Variants in NIN observed in about 807,000 individuals in gnomAD.
The protein encoded by NIN is glycogen synthase kinase 3 beta-interacting protein.
NIN carries 137 observed loss-of-function variants against 257.6 expected under a neutral mutation model. The ratio of observed to expected loss-of-function variants is 0.53; its 90% CI spans 0.46 to 0.61. NIN has a LOEUF of 0.61. NIN is among the 20% of genes least tolerant of loss of function. The probability of loss-of-function intolerance (pLI) is 0.00; values close to 1 mark genes in which losing one functional copy is unlikely to be tolerated. For synonymous variants in NIN, 918 were observed against 919.8 expected (o/e 1.00, Z 0.04); for missense variants, 2,439 against 2,501.2 (o/e 0.98, Z 0.53).
intron 5 of NIN, among the ~76,000 whole-genome samples, chr14:50,787,856 C>T (rs1263157738): frequency 1.3e-5 from 2 of 152,164 alleles, no homozygotes; most frequent in South Asian, 2.1e-4. Flanking sequence ...CCTTTCCCTA[C>T]AGAGTAGCTT....
chr14:50,798,820 C>G (rs1469810709), intron 4 of NIN, among the ~76,000 whole-genome samples: 1 of 152,222 alleles, frequency 6.6e-6, no homozygotes, highest in East Asian at 1.9e-4. Context: ...CGCTCTATTG[C>G]CAGGCTAGAG....
At chr14:50,795,058 A>T (rs971011962) in intron 4 of NIN, among the ~76,000 whole-genome samples, 11 of 152,344 alleles carry the variant, frequency 7.2e-5, no homozygotes, top group African/African-American at 2.4e-4. Context: ...ATAATAACCA[A>T]TTTAAGCAAA....
chr14:50,778,826 T>C, intron 5 of NIN, 22 bp from the exon 6 acceptor site: 2 of 1,613,288 alleles, frequency 1.2e-6, no homozygotes, highest in Non-Finnish European at 1.7e-6. Context: ...AAGAGAAGAT[T>C]AGTGTGCTTT....
chr14:50,739,091 A>T (rs527493600), intron 26 of NIN, among the ~76,000 whole-genome samples: 1 of 152,352 alleles, frequency 6.6e-6, no homozygotes, highest in East Asian at 1.9e-4. Context: ...AGTCACAAAT[A>T]TATTTTAATA....
intron 5 of NIN, among the ~76,000 whole-genome samples, chr14:50,790,943 G>A (rs2043563849): frequency 6.6e-6 from 1 of 152,148 alleles, no homozygotes; most frequent in African/African-American, 2.4e-5. Flanking sequence ...CTGCCCAACA[G>A]CTTTCTGCGT....
intron 4 of NIN, among the ~76,000 whole-genome samples, chr14:50,798,836 T>A (rs1349211033): frequency 1.3e-5 from 2 of 152,236 alleles, no homozygotes; most frequent in South Asian, 4.1e-4. Flanking sequence ...TAGAGTGCAG[T>A]GGCACAATCT....
intron 3 of NIN, 108 bp downstream of exon 3, chr14:50,821,766 G>A (rs905510975): frequency 2.4e-6 from 2 of 829,358 alleles, no homozygotes; most frequent in African/African-American, 3.4e-5. Context: ...TCATGTAACA[G>A]CCAGGATGCT....
In NIN at chr14:50,783,417, C is replaced by A. The variant is rs558888790; in HGVS notation, c.436-4613G>T. ...GTATCCCAAGAATTCCCCCTAGGAC[C>A]CTTTGTAAGAAACACAGATCCAGCC... is the stretch of plus-strand genomic sequence containing the variant. On this transcript the variant is annotated intron_variant, in intron 5 of 30. Coordinates refer to ENST00000530997, the MANE Select transcript of NIN (RefSeq NM_020921.4). 3.9e-5 allele frequency among the ~76,000 whole-genome samples: 6 copies of A among 152,136 alleles called. No individual in the cohort carries two copies. In the South Asian group the frequency reaches 1.2e-3, roughly 32 times the overall value.
Position 50,815,799 on chromosome 14 carries a change from G to T in NIN, c.183+6075C>A, listed in dbSNP as rs899164794. Among the ~76,000 whole-genome samples, 5 of 152,278 alleles carry T rather than the reference G, an allele frequency of 3.3e-5. No homozygotes were observed. The South Asian group carries it at 1.0e-3, about 32-fold the overall frequency. ...ACGAGGTGGGCGGATCTTGAGGTCAGGAGTTTGAGACCAGCCTGGCCAACA... is the reference window on the plus strand; with the variant it reads ...ACGAGGTGGGCGGATCTTGAGGTCATGAGTTTGAGACCAGCCTGGCCAACA... On this transcript the variant is annotated intron_variant, in intron 3 of 30. Transcript: ENST00000530997.
chr14:50,795,574 C>T (rs551059038), intron 4 of NIN, among the ~76,000 whole-genome samples: 28 of 152,306 alleles, frequency 1.8e-4, no homozygotes, highest in African/African-American at 6.0e-4. Flanking sequence ...GGAAGAGATC[C>T]AAAACTGCAA....
intron 3 of NIN, among the ~76,000 whole-genome samples, chr14:50,819,112 G>A (rs1297445147): frequency 6.6e-6 from 1 of 152,164 alleles, no homozygotes. Flanking sequence ...AGTCAACATA[G>A]AGGAAGCTTA....
intron 4 of NIN, among the ~76,000 whole-genome samples, chr14:50,802,301 C>A (rs2044136339): frequency 6.6e-6 from 1 of 151,986 alleles, no homozygotes; most frequent in African/African-American, 2.4e-5. Flanking sequence ...ATAAAAATTG[C>A]TTTTTAGGGG....
intron 5 of NIN, among the ~76,000 whole-genome samples, chr14:50,785,077 C>G (rs2043287540): frequency 6.6e-6 from 1 of 152,262 alleles, no homozygotes; most frequent in South Asian, 2.1e-4. Context: ...ATCTCAATGT[C>G]ATGCTGGCCA....
At chr14:50,727,282 G>T (rs1227965809) in intron 29 of NIN, 3 of 974,862 alleles carry the variant, frequency 3.1e-6, no homozygotes, top group Admixed American at 1.2e-4. Context: ...CTGTCAAAAA[G>T]ATTTGTACAT....
intron 22 of NIN, among the ~76,000 whole-genome samples, chr14:50,746,681 T>C (rs1329935838): frequency 6.6e-6 from 1 of 152,210 alleles, no homozygotes; most frequent in East Asian, 1.9e-4. Context: ...ATGGAACAAC[T>C]AAATTTTCCT....
chr14:50,726,202 T>C, intron 29 of NIN, 136 bp from the exon 30 acceptor site: 3 of 659,278 alleles, frequency 4.6e-6, no homozygotes, highest in Non-Finnish European at 7.8e-6. Context: ...TCTCATGAAA[T>C]GAGAGTTTTG....
rs961059830 is a variant in NIN at position 50,723,330 on chromosome 14, T to G, written c.*133A>C. On this transcript the variant is annotated 3_prime_UTR_variant, in exon 31 of 31. Coordinates refer to ENST00000530997, the MANE Select transcript of NIN (RefSeq NM_020921.4). The stretch of plus-strand genomic sequence containing the variant: ...CCCATAAGGGTCTATTTAGAAAAAC[T>G]AATTATGATAAATGGAAACTCCAGT... 3 of 676,068 alleles carry G rather than the reference T, an allele frequency of 4.4e-6. No individual in the cohort carries two copies. The Admixed American group carries it at 8.9e-5, about 20-fold the overall frequency. The allele number at this position is 676,068 out of a possible 1,614,324, so 41.9% of individuals were successfully genotyped here.
chr14:50,752,135 T>C (rs1210663949), intron 21 of NIN, among the ~76,000 whole-genome samples: 1 of 147,090 alleles, frequency 6.8e-6, no homozygotes, highest in Non-Finnish European at 1.5e-5. Context: ...AATTCACCCG[T>C]ATTTTCTTCA....
At position 50,771,314 on chromosome 14, in the gene NIN, A is replaced by C. The variant is rs2042724177; in HGVS notation, c.1118+18T>G. On this transcript the variant is annotated intron_variant, in intron 10 of 30. Transcript: ENST00000530997. ...GTAGGAAAGGGAATGGGGCAGGCGA[A>C]CCTTCTGCTCAACTCACAACAAATG... 6.2e-7 allele frequency: 1 copy of C among 1,612,612 alleles called. No individual in the cohort carries two copies. Among genetic ancestry groups the C allele is most frequent in the Non-Finnish European group, 8.5e-7 (1 of 1,179,470 alleles).
Sources: gnomAD v4.1 joint callset for allele counts (sites outside exome capture counted in the v4.1 genomes callset) on GRCh38, gnomAD v4.1.1 for gene constraint, MANE v1.5 for transcripts, NCBI Gene and HGNC (gene_info 2026-07-23, HGNC 2026-07-21) for gene names.